The following MYO1E variants were observed in gnomAD, a reference collection of about 807,000 sequenced individuals.
MYO1E encodes unconventional myosin-Ie.
In MYO1E, 68 loss-of-function variants were observed where a neutral mutation model predicts 151.1. The ratio of observed to expected loss-of-function variants is 0.45; its 90% CI spans 0.37 to 0.55. The LOEUF (loss-of-function observed/expected upper bound fraction) is 0.55, where lower values mean the gene tolerates loss of function less well. MYO1E is among the 20% of genes least tolerant of loss of function. The pLI, the probability that MYO1E is intolerant of heterozygous loss-of-function variation, is 0.00. For synonymous variants in MYO1E, 601 were observed against 501.7 expected (o/e 1.20, Z -2.64); for missense variants, 1,363 against 1,389.3 (o/e 0.98, Z 0.30).
chr15:59,277,558 A>C (rs866072360), intron 1 of MYO1E, among the ~76,000 whole-genome samples: 6 of 118,474 alleles, frequency 5.1e-5, no homozygotes, highest in South Asian at 5.0e-4. Flanking sequence ...CAAAAAAAAA[A>C]AAAAAAAAAA....
Position 59,339,857 on chromosome 15 carries a change from T to G in MYO1E, c.3+32641A>C, listed in dbSNP as rs529532971. 1.5e-3 allele frequency among the ~76,000 whole-genome samples: 228 copies of G among 151,060 alleles called. 1 individual carries two copies. The highest frequency in any genetic ancestry group is 5.4e-3 in the African/African-American group (221 of 40,990). On this transcript the variant is annotated intron_variant, in intron 1 of 27. Transcript: ENST00000288235. ...TATATATACATACTTTTTTTTGTTT[T>G]TTTTTTTTTTGACAGAGTCTTGCTC...
intron 26 of MYO1E, among the ~76,000 whole-genome samples, chr15:59,152,815 G>A (rs1484123246): frequency 6.6e-6 from 1 of 152,050 alleles, no homozygotes; most frequent in Admixed American, 6.6e-5. Context: ...ACTCCTGCCT[G>A]GTGATCCCCA....
chr15:59,174,012 C>A, intron 20 of MYO1E, 97 bp from the exon 21 acceptor site: 1 of 1,514,054 alleles, frequency 6.6e-7, no homozygotes, highest in Non-Finnish European at 9.2e-7. Context: ...CTAAATGATG[C>A]AATATTTTTA....
intron 11 of MYO1E, 137 bp from the exon 12 acceptor site, chr15:59,214,451 A>C: frequency 1.1e-6 from 1 of 894,304 alleles, no homozygotes; most frequent in Non-Finnish European, 1.8e-6. Context: ...ATAAGTTTAT[A>C]TTTAGGAGAA....
chr15:59,189,891 G>A (rs1401660436), intron 17 of MYO1E, among the ~76,000 whole-genome samples: 1 of 152,204 alleles, frequency 6.6e-6, no homozygotes, highest in African/African-American at 2.4e-5. Flanking sequence ...TGGATGTAAA[G>A]AACTATTAGG....
intron 17 of MYO1E, among the ~76,000 whole-genome samples, chr15:59,190,201 A>C (rs1183293965): frequency 7.9e-5 from 12 of 152,212 alleles, no homozygotes; most frequent in African/African-American, 2.7e-4. Context: ...ATGGTATTTG[A>C]GGCAAATTAG....
intron 1 of MYO1E, among the ~76,000 whole-genome samples, chr15:59,312,029 T>C (rs1286913112): frequency 6.6e-6 from 1 of 152,220 alleles, no homozygotes; most frequent in Non-Finnish European, 1.5e-5. Flanking sequence ...TTACCCAGTC[T>C]GTGGTATTCA....
chr15:59,183,960 TTCACTTAAC>T (rs2079680354), intron 18 of MYO1E, among the ~76,000 whole-genome samples: 1 of 152,182 alleles, frequency 6.6e-6, no homozygotes, highest in Non-Finnish European at 1.5e-5. Flanking sequence ...CCTGGTTTGT[TTCACTTAAC>T]ATAATGATCT....
intron 4 of MYO1E, among the ~76,000 whole-genome samples, chr15:59,246,524 C>A (rs1236331176): frequency 6.6e-6 from 1 of 152,354 alleles, no homozygotes; most frequent in South Asian, 2.1e-4. Flanking sequence ...TACTGAAAGT[C>A]ATACGTCGGC....
In MYO1E at chr15:59,350,154, T is replaced by C. The variant is rs1373046460; in HGVS notation, c.3+22344A>G. 6.6e-6 allele frequency among the ~76,000 whole-genome samples: 1 copy of C among 152,252 alleles called. No homozygotes were observed. Among genetic ancestry groups the C allele is most frequent in the African/African-American group, 2.4e-5 (1 of 41,478 alleles). On this transcript the variant is annotated intron_variant, in intron 1 of 27. Transcript: ENST00000288235. The surrounding 1 kb of genome is among the most constrained non-coding windows in gnomAD (Gnocchi z 5.0). ...TATTCTTACTTCATTTTTTAACAAA[T>C]GAAACTGAAGTACAGTTAAGTAATT...
rs560784881 is a variant in MYO1E, at chr15:59,315,315, T to C, written c.4-42866A>G. Among the ~76,000 whole-genome samples, 14 of 152,308 alleles carry C rather than the reference T, an allele frequency of 9.2e-5. No individual in the cohort carries two copies. The South Asian group carries it at 2.9e-3, about 32-fold the overall frequency. Reference sequence around the variant, plus strand: ...CCACTCACTTCTTTGGCTACATGTTTTGACCTGATTGCCATCCCCATCCAC... The same window carrying C: ...CCACTCACTTCTTTGGCTACATGTTCTGACCTGATTGCCATCCCCATCCAC... On this transcript the variant is annotated intron_variant, in intron 1 of 27. Coordinates refer to ENST00000288235, the MANE Select transcript of MYO1E (RefSeq NM_004998.4).
At chr15:59,137,848 T>C (rs547785608) in intron 27 of MYO1E, among the ~76,000 whole-genome samples, 4 of 152,294 alleles carry the variant, frequency 2.6e-5, no homozygotes, top group Admixed American at 2.6e-4. Context: ...GCTAATTTGG[T>C]CTGATCAGAA....
chr15:59,271,343 CA>C (rs1299055330), intron 2 of MYO1E, among the ~76,000 whole-genome samples: 2 of 152,168 alleles, frequency 1.3e-5, no homozygotes, highest in African/African-American at 4.8e-5. Flanking sequence ...ACATCAGAAG[CA>C]AAGACTCCAC....
intron 26 of MYO1E, among the ~76,000 whole-genome samples, chr15:59,142,119 A>AT (rs1555406452): frequency 4.0e-5 from 6 of 151,212 alleles, no homozygotes; most frequent in African/African-American, 7.3e-5. Context: ...AAAAAAAAAA[A>AT]TTTTTTTTTT....
intron 4 of MYO1E, among the ~76,000 whole-genome samples, chr15:59,246,528 C>T (rs887405588): frequency 1.9e-4 from 29 of 152,310 alleles, no homozygotes; most frequent in African/African-American, 6.5e-4. Context: ...GAAAGTCATA[C>T]GTCGGCTTCC....
At chr15:59,304,819 A>T (rs1435284410) in intron 1 of MYO1E, among the ~76,000 whole-genome samples, 1 of 152,254 alleles carries the variant, frequency 6.6e-6, no homozygotes, top group Non-Finnish European at 1.5e-5. Context: ...CCTTGGCTCA[A>T]ATCAAATCCT....
At chr15:59,323,978 AG>A (rs1385912761) in intron 1 of MYO1E, among the ~76,000 whole-genome samples, 1 of 151,972 alleles carries the variant, frequency 6.6e-6, no homozygotes, top group Admixed American at 6.6e-5. Context: ...CACCAAAGGC[AG>A]GAAAAAAAAA....
intron 5 of MYO1E, among the ~76,000 whole-genome samples, chr15:59,233,837 C>T (rs1184084573): frequency 2.0e-5 from 3 of 151,314 alleles, no homozygotes; most frequent in African/African-American, 4.9e-5. Flanking sequence ...CCATAAGCTA[C>T]CCCAACTGAG....
At chr15:59,234,212 T>G (rs1488411704) in intron 5 of MYO1E, among the ~76,000 whole-genome samples, 1 of 149,156 alleles carries the variant, frequency 6.7e-6, no homozygotes, top group Admixed American at 6.7e-5. Context: ...CACTGATCAC[T>G]GATGGATGGA....
Sources: allele counts gnomAD v4.1 joint callset (sites outside exome capture counted in the v4.1 genomes callset), GRCh38; gene constraint gnomAD v4.1.1; non-coding constraint Gnocchi (gnomAD v3.1); transcripts MANE v1.5; gene names NCBI Gene and HGNC (gene_info 2026-07-23, HGNC 2026-07-21).